Variants in NEK7 observed in about 807,000 individuals in gnomAD.
NEK7 encodes NIMA related kinase 7.
A neutral mutation model predicts 44.6 loss-of-function variants in NEK7; 18 were observed. The observed-to-expected ratio is 0.40, with a 90% confidence interval of 0.28 to 0.60. The LOEUF (loss-of-function observed/expected upper bound fraction) is 0.60. Ranked by LOEUF, NEK7 falls within the 20% of genes least tolerant of loss-of-function variation. NEK7 has a pLI of 0.38. For synonymous variants in NEK7, 130 were observed against 121.1 expected, an observed-to-expected ratio of 1.07 and a Z score of -0.48; for missense variants, 256 against 366.5, an observed-to-expected ratio of 0.70 and a Z score of 2.46.
intron 9 of NEK7, among the ~76,000 whole-genome samples, chr1:198,306,743 T>G (rs1408549361): frequency 6.6e-6 from 1 of 152,158 alleles, no homozygotes; most frequent in African/African-American, 2.4e-5. Context: ...GGCATAAAAC[T>G]TAGTCTGTGG....
chr1:198,311,247 G>A (rs543495233), intron 9 of NEK7, among the ~76,000 whole-genome samples: 3,470 of 146,020 alleles, frequency 0.024, 135 homozygotes, highest in African/African-American at 0.083. Context: ...TTTGTCTGTT[G>A]TTGGTGTATA....
chr1:198,253,812 A>G (rs1485673940), intron 3 of NEK7, among the ~76,000 whole-genome samples: 1 of 152,100 alleles, frequency 6.6e-6, no homozygotes, highest in Non-Finnish European at 1.5e-5. Context: ...GTTGCAGTCC[A>G]ACTGAGCTAC....
At chr1:198,278,424 C>T (rs1571598753) in intron 6 of NEK7, among the ~76,000 whole-genome samples, 1 of 149,780 alleles carries the variant, frequency 6.7e-6, no homozygotes, top group Non-Finnish European at 1.5e-5. Flanking sequence ...TCTTTTCATT[C>T]AAGTGGTTGA....
rs1654557494 is a variant in NEK7, at chr1:198,291,590, A to AT, written c.590-1354dup. ...TAAAGTTTGTCTCATTAATTTTTGT[A>AT]TATTAATAGTTCGTATTTTATTTAA... On this transcript the variant is annotated intron_variant, in intron 7 of 9. Coordinates refer to ENST00000367385, the MANE Select transcript of NEK7 (RefSeq NM_133494.3). Among the ~76,000 whole-genome samples the AT allele has an allele frequency of 6.6e-5, 10 of 152,210 alleles. No individual in the cohort carries two copies. In the South Asian group the frequency reaches 2.1e-3, roughly 32 times the overall value.
intron 9 of NEK7, among the ~76,000 whole-genome samples, chr1:198,311,647 AG>A (rs1451035442): frequency 1.3e-5 from 2 of 152,292 alleles, no homozygotes; most frequent in Admixed American, 6.5e-5. Context: ...TTTAGCATGA[AG>A]GGTTATTGAA....
chr1:198,159,945 A>C (rs1664051919), intron 1 of NEK7, among the ~76,000 whole-genome samples: 1 of 152,204 alleles, frequency 6.6e-6, no homozygotes, highest in African/African-American at 2.4e-5. Flanking sequence ...CTCATGCCCC[A>C]AATCTTTCCT....
chr1:198,234,781 G>A (rs909268325), intron 2 of NEK7, among the ~76,000 whole-genome samples: 2 of 152,208 alleles, frequency 1.3e-5, no homozygotes, highest in Non-Finnish European at 2.9e-5. Context: ...GTTGGAAACA[G>A]GCAAGTGTCG....
intron 2 of NEK7, among the ~76,000 whole-genome samples, chr1:198,232,928 G>A (rs1666442265): frequency 6.6e-6 from 1 of 150,764 alleles, no homozygotes; most frequent in Non-Finnish European, 1.5e-5. Flanking sequence ...ATATTTTTAG[G>A]GTGCAGTTTG....
At chr1:198,232,085 T>A (rs775725264) in intron 1 of NEK7, among the ~76,000 whole-genome samples, 3 of 152,174 alleles carry the variant, frequency 2.0e-5, no homozygotes, top group Non-Finnish European at 4.4e-5. Flanking sequence ...GACACTCATA[T>A]GACGACTGGC....
intron 9 of NEK7, among the ~76,000 whole-genome samples, chr1:198,311,960 G>C (rs1655200940): frequency 6.6e-6 from 1 of 152,196 alleles, no homozygotes; most frequent in Non-Finnish European, 1.5e-5. Context: ...CATAAAATGA[G>C]TTAGGGAGGA....
intron 2 of NEK7, among the ~76,000 whole-genome samples, chr1:198,237,980 G>A (rs1666583041): frequency 6.6e-6 from 1 of 152,086 alleles, no homozygotes; most frequent in African/African-American, 2.4e-5. Flanking sequence ...GGTACACATA[G>A]TAGGCATTCA....
intron 2 of NEK7, among the ~76,000 whole-genome samples, chr1:198,233,736 T>G (rs1666466843): frequency 6.6e-6 from 1 of 150,822 alleles, no homozygotes; most frequent in Non-Finnish European, 1.5e-5. Flanking sequence ...CTTATTTGTC[T>G]ATGGGATCCT....
At chr1:198,296,554 T>C (rs1440831213) in intron 8 of NEK7, among the ~76,000 whole-genome samples, 2 of 152,226 alleles carry the variant, frequency 1.3e-5, no homozygotes, top group African/African-American at 4.8e-5. Context: ...TTAATGTTTT[T>C]GAGACATTAT....
At chr1:198,281,429 T>G (rs1157393841) in intron 7 of NEK7, among the ~76,000 whole-genome samples, 1 of 151,988 alleles carries the variant, frequency 6.6e-6, no homozygotes, top group Non-Finnish European at 1.5e-5. Context: ...GGATACAATC[T>G]ATAGGTCATG....
At chr1:198,265,842 A>G (rs1251064109) in intron 5 of NEK7, among the ~76,000 whole-genome samples, 1 of 152,136 alleles carries the variant, frequency 6.6e-6, no homozygotes, top group African/African-American at 2.4e-5. Flanking sequence ...CTTTAAATAG[A>G]TGGATGGATA....
intron 2 of NEK7, among the ~76,000 whole-genome samples, chr1:198,251,077 T>G (rs1201968340): frequency 1.3e-5 from 2 of 151,512 alleles, no homozygotes; most frequent in African/African-American, 2.4e-5. Context: ...TTATTGAGAG[T>G]TTTTAGCATG....
chr1:198,293,168 T>C (rs1654611330), intron 8 of NEK7, 129 bp downstream of exon 8: 1 of 568,706 alleles, frequency 1.8e-6, no homozygotes, highest in South Asian at 2.7e-5. Context: ...AGAATTTTCG[T>C]TGGGTTAATA....
intron 9 of NEK7, among the ~76,000 whole-genome samples, chr1:198,316,865 TTC>T (rs1191952283): frequency 6.6e-6 from 1 of 152,186 alleles, no homozygotes; most frequent in African/African-American, 2.4e-5. Context: ...AAATGAGTCA[TTC>T]TCTCACTTCT....
intron 1 of NEK7, among the ~76,000 whole-genome samples, chr1:198,182,097 G>C (rs1664785294): frequency 6.6e-6 from 1 of 152,036 alleles, no homozygotes; most frequent in Non-Finnish European, 1.5e-5. Context: ...AAAAAAGGTA[G>C]GCAACAGGTA....
Sources: allele counts gnomAD v4.1 joint callset (sites outside exome capture counted in the v4.1 genomes callset), GRCh38; gene constraint gnomAD v4.1.1; transcripts MANE v1.5; gene names NCBI Gene and HGNC (gene_info 2026-07-23, HGNC 2026-07-21).